Variants in MED13L observed in about 807,000 individuals in gnomAD.
MED13L encodes the protein mediator of RNA polymerase II transcription subunit 13-like.
In MED13L, 7 loss-of-function variants were observed where a neutral mutation model predicts 220.9. The observed-to-expected ratio is 0.03, with a 90% CI of 0.02 to 0.06. The LOEUF is 0.06. Ranked by LOEUF, MED13L falls within the 10% of genes least tolerant of loss-of-function variation. MED13L has a pLI of 1.00. For missense variants in MED13L, 1,965 were observed against 2,760.5 expected, an observed-to-expected ratio of 0.71 and a Z score of 6.46; for synonymous variants, 1,011 against 1,015.2, an observed-to-expected ratio of 1.00 and a Z score of 0.08.
rs200217564 is a variant in MED13L at position 116,155,729 on chromosome 12, GA to G, written c.311-44218del. Among the ~76,000 whole-genome samples the G allele has an allele frequency of 2.1e-4, 31 of 150,300 alleles. No homozygotes were observed. The East Asian group carries it at 2.5e-3, about 12-fold the overall frequency. On this transcript the variant is annotated intron_variant, in intron 2 of 30. Transcript: ENST00000281928. The stretch of plus-strand genomic sequence containing the variant: ...CTTTTCTATAAACAAGATTTAAGGG[GA>G]AAAAAAAACCTTGAAACTGTTAATA...
chr12:116,219,611 A>G (rs1883193350), intron 2 of MED13L, among the ~76,000 whole-genome samples: 1 of 152,214 alleles, frequency 6.6e-6, no homozygotes, highest in African/African-American at 2.4e-5. Context: ...CGAAGCATTC[A>G]TTTATTGTAC....
At chr12:116,187,855 T>G (rs1448824692) in intron 2 of MED13L, among the ~76,000 whole-genome samples, 6 of 151,640 alleles carry the variant, frequency 4.0e-5, no homozygotes, top group Non-Finnish European at 8.8e-5. Flanking sequence ...TGGAGGGTAC[T>G]GCTTTTTTTC....
chr12:116,056,847 T>G (rs973859919), intron 4 of MED13L, among the ~76,000 whole-genome samples: 5 of 152,230 alleles, frequency 3.3e-5, no homozygotes, highest in Non-Finnish European at 5.9e-5. Context: ...AATGAATTAC[T>G]AGAGATAAAA....
At chr12:116,068,189 G>A (rs755608846) in intron 4 of MED13L, among the ~76,000 whole-genome samples, 3 of 152,152 alleles carry the variant, frequency 2.0e-5, no homozygotes, top group Non-Finnish European at 4.4e-5. Context: ...GCACTGGAAA[G>A]TTCTATGTGC....
chr12:115,975,979 A>C (rs1047381901), intron 23 of MED13L, among the ~76,000 whole-genome samples: 2 of 152,206 alleles, frequency 1.3e-5, no homozygotes, highest in Admixed American at 1.3e-4. Context: ...AGAAATTACT[A>C]TTTTAGAAAC....
intron 2 of MED13L, among the ~76,000 whole-genome samples, chr12:116,186,437 A>G (rs1433578918): frequency 6.6e-6 from 1 of 152,188 alleles, no homozygotes; most frequent in African/African-American, 2.4e-5. Flanking sequence ...CTGCTTTTTC[A>G]TTCCTGTTTA....
rs146975429 is a variant in MED13L at position 116,179,338 on chromosome 12, G to A, written c.310+58130C>T. ...ACAATATAAAATCTGGGCCAGGCAC[G>A]GTGGCTCACGTCTATAACCCCAGAA... On this transcript the variant is annotated intron_variant, in intron 2 of 30. Transcript: ENST00000281928. 2.0e-4 allele frequency among the ~76,000 whole-genome samples: 30 copies of A among 151,918 alleles called. No individual in the cohort carries two copies. In the East Asian group the frequency reaches 5.0e-3, roughly 25 times the overall value.
rs139183056 is a variant in MED13L, at chr12:116,206,159, C to T, written c.310+31309G>A. 9.7e-3 allele frequency among the ~76,000 whole-genome samples: 1,377 copies of T among 142,272 alleles called. 21 individuals carry two copies. The highest frequency in any genetic ancestry group is 0.034 in the African/African-American group (1,287 of 37,800). 93.3% of individuals were successfully genotyped at this position (142,272 alleles called of 152,430 possible). A position where few individuals can be genotyped will look rare whatever the true frequency, so the allele number is the denominator to read the frequency against. On this transcript the variant is annotated intron_variant, in intron 2 of 30. Transcript: ENST00000281928. ...ACAGTGGCGTGATCTTGGCTCACTG[C>T]GACCTCCTCCTCCTGGGTTCAAGCA...
intron 2 of MED13L, among the ~76,000 whole-genome samples, chr12:116,145,714 G>A (rs1394441225): frequency 8.0e-6 from 1 of 124,272 alleles, no homozygotes; most frequent in African/African-American, 3.2e-5. Context: ...TTAAATTTTT[G>A]TAGAGTCTTG....
At chr12:116,124,144 G>GAC (rs1239502191) in intron 2 of MED13L, among the ~76,000 whole-genome samples, 5 of 149,746 alleles carry the variant, frequency 3.3e-5, no homozygotes, top group African/African-American at 9.8e-5. Flanking sequence ...GAGAGAGAGA[G>GAC]AGAGAGACAG....
chr12:116,035,418 T>C (rs1028611252), intron 4 of MED13L, among the ~76,000 whole-genome samples: 1 of 152,200 alleles, frequency 6.6e-6, no homozygotes, highest in Non-Finnish European at 1.5e-5. Flanking sequence ...TTACAATTTC[T>C]ATAAAGAATG....
chr12:116,004,354 A>G (rs1346313022), intron 13 of MED13L, among the ~76,000 whole-genome samples: 1 of 152,120 alleles, frequency 6.6e-6, no homozygotes, highest in East Asian at 1.9e-4. Flanking sequence ...CATTTCTTCT[A>G]CCAGAGTTTT....
At chr12:116,077,008 C>A (rs896965880) in intron 4 of MED13L, among the ~76,000 whole-genome samples, 1 of 152,120 alleles carries the variant, frequency 6.6e-6, no homozygotes, top group African/African-American at 2.4e-5. Context: ...TCAGTGCAGT[C>A]TTTCCTTGAG....
chr12:116,037,169 C>A (rs1881242266), intron 4 of MED13L, among the ~76,000 whole-genome samples: 1 of 152,028 alleles, frequency 6.6e-6, no homozygotes, highest in African/African-American at 2.4e-5. Context: ...AACATTTTAC[C>A]TACACCTATA....
chr12:116,244,204 G>A (rs1402765752), intron 1 of MED13L, among the ~76,000 whole-genome samples: 1 of 152,176 alleles, frequency 6.6e-6, no homozygotes, highest in African/African-American at 2.4e-5. Flanking sequence ...CTGCAGTAGA[G>A]TAGGTTAATA....
At chr12:116,276,824 C>T (rs773923183) in intron 1 of MED13L, 93 of 1,105,534 alleles carry the variant, frequency 8.4e-5, no homozygotes, top group Non-Finnish European at 1.1e-4. Context: ...CATGCAAATT[C>T]CACGCCGAGC....
At chr12:116,060,808 A>C (rs1182531271) in intron 4 of MED13L, among the ~76,000 whole-genome samples, 1 of 152,144 alleles carries the variant, frequency 6.6e-6, no homozygotes, top group Non-Finnish European at 1.5e-5. Context: ...TTAAGCACAC[A>C]CACACACGAG....
chr12:116,217,954 T>A (rs1057496383), intron 2 of MED13L, among the ~76,000 whole-genome samples: 2 of 152,152 alleles, frequency 1.3e-5, no homozygotes, highest in African/African-American at 4.8e-5. Flanking sequence ...TATATCTCAG[T>A]CTCCTGGAAG....
intron 4 of MED13L, among the ~76,000 whole-genome samples, chr12:116,076,443 A>AG (rs1385063163): frequency 6.6e-6 from 1 of 152,092 alleles, no homozygotes; most frequent in Non-Finnish European, 1.5e-5. Context: ...AGGCTGAGGG[A>AG]GGAGGACTGC....
Sources: gnomAD v4.1 joint callset for allele counts (sites outside exome capture counted in the v4.1 genomes callset) on GRCh38, gnomAD v4.1.1 for gene constraint, MANE v1.5 for transcripts, NCBI Gene and HGNC (gene_info 2026-07-23, HGNC 2026-07-21) for gene names.